Variants in BAIAP2L1 observed in about 807,000 individuals in gnomAD.
BAIAP2L1 encodes BAR/IMD domain-containing adapter protein 2-like 1.
Under a neutral mutation model 66.3 loss-of-function variants are expected in BAIAP2L1, and 35 were observed. The ratio of observed to expected loss-of-function variants is 0.53; its 90% CI spans 0.40 to 0.70. BAIAP2L1 has a LOEUF of 0.70. Among genes scored for constraint, BAIAP2L1 ranks in the 30% least tolerant of loss-of-function variants. The pLI is 0.00. For missense variants in BAIAP2L1, 622 were observed against 656.9 expected (o/e 0.95, Z 0.58); for synonymous variants, 269 against 248.7 (o/e 1.08, Z -0.77).
At chr7:98,307,493 A>G in intron 10 of BAIAP2L1, 196 bp downstream of exon 10, 2 of 1,431,268 alleles carry the variant, frequency 1.4e-6, no homozygotes, top group Non-Finnish European at 9.1e-7. Flanking sequence ...TGCATGCACC[A>G]AATGTATCTC....
chr7:98,354,907 A>C, intron 3 of BAIAP2L1, 135 bp downstream of exon 3: 6 of 667,500 alleles, frequency 9.0e-6, no homozygotes, highest in Non-Finnish European at 1.6e-5. Flanking sequence ...CAATTTCCAC[A>C]GACCGCGGTG....
In BAIAP2L1 at chr7:98,333,642, T is replaced by C. The variant is rs552544271; in HGVS notation, c.215-13344A>G. Reference sequence around the variant, plus strand: ...AATATAAAATAAATGAGCACACTGGTATTTAAATATCAAAGAAAAACTACT... The same window carrying C: ...AATATAAAATAAATGAGCACACTGGCATTTAAATATCAAAGAAAAACTACT... On this transcript the variant is annotated intron_variant, in intron 3 of 13. Transcript: ENST00000005260. 9.0e-4 allele frequency among the ~76,000 whole-genome samples: 137 copies of C among 152,194 alleles called. 1 individual carries two copies. Among genetic ancestry groups the C allele is most frequent in the Middle Eastern group, 3.4e-3 (1 of 294 alleles).
At chr7:98,337,136 G>A (rs1421226500) in intron 3 of BAIAP2L1, among the ~76,000 whole-genome samples, 1 of 152,164 alleles carries the variant, frequency 6.6e-6, no homozygotes, top group African/African-American at 2.4e-5. Context: ...GTCACGGCGA[G>A]GTTACGAGGC....
chr7:98,364,627 G>C (rs1296911473), intron 1 of BAIAP2L1, among the ~76,000 whole-genome samples: 1 of 151,832 alleles, frequency 6.6e-6, no homozygotes, highest in East Asian at 1.9e-4. Flanking sequence ...TCTTTACCTT[G>C]ACGTTTGCTA....
At chr7:98,370,174 A>G (rs1802479368) in intron 1 of BAIAP2L1, among the ~76,000 whole-genome samples, 1 of 152,096 alleles carries the variant, frequency 6.6e-6, no homozygotes, top group African/African-American at 2.4e-5. Flanking sequence ...CAAGAGATCG[A>G]GACCATCCTG....
chr7:98,339,095 CTT>C (rs1801678826), intron 3 of BAIAP2L1, among the ~76,000 whole-genome samples: 1 of 146,452 alleles, frequency 6.8e-6, no homozygotes, highest in Non-Finnish European at 1.5e-5. Context: ...AAAAAAAAGA[CTT>C]TGTGTGGGCA....
At chr7:98,396,819 C>T (rs1209413953) in intron 1 of BAIAP2L1, among the ~76,000 whole-genome samples, 1 of 152,168 alleles carries the variant, frequency 6.6e-6, no homozygotes, top group Non-Finnish European at 1.5e-5. Flanking sequence ...GTTAAGCCAA[C>T]ACAATCCACA....
chr7:98,318,800 C>T (rs984793760), intron 5 of BAIAP2L1, among the ~76,000 whole-genome samples: 15 of 151,356 alleles, frequency 9.9e-5, no homozygotes, highest in East Asian at 4.0e-4. Context: ...AAAAATTAGC[C>T]GGGTGCAGTG....
intron 2 of BAIAP2L1, among the ~76,000 whole-genome samples, chr7:98,356,091 C>T (rs1317495710): frequency 6.6e-6 from 1 of 152,108 alleles, no homozygotes; most frequent in Non-Finnish European, 1.5e-5. Context: ...AATAGTACTG[C>T]CCCCTTCGAA....
intron 1 of BAIAP2L1, among the ~76,000 whole-genome samples, chr7:98,382,857 A>C (rs1438862494): frequency 6.6e-6 from 1 of 152,192 alleles, no homozygotes; most frequent in Admixed American, 6.5e-5. Context: ...AGTAAAAATC[A>C]TTTCTTCAAA....
intron 12 of BAIAP2L1, among the ~76,000 whole-genome samples, chr7:98,297,230 T>C (rs1200426932): frequency 6.6e-6 from 1 of 152,232 alleles, no homozygotes; most frequent in Non-Finnish European, 1.5e-5. Context: ...AATGTGTGTG[T>C]GGACACTGGC....
rs765327861 is a variant in BAIAP2L1 at position 98,315,524 on chromosome 7, C to T, written c.575G>A (p.Arg192His). Reference sequence around the variant, plus strand: ...GTGCTTATCAACCAGAAAGCAGAAGCGCCTCTTCTCTTCAAGCAGAGCCTC... The same window carrying T: ...GTGCTTATCAACCAGAAAGCAGAAGTGCCTCTTCTCTTCAAGCAGAGCCTC... Reference protein sequence around the residue: ...CKEALLEEKRRFCFLVDKHCG... With the variant: ...CKEALLEEKRHFCFLVDKHCG... The change falls in exon 7 of 14, where the codon CGC becomes CAC. Residue 192 changes from arginine (R) to histidine (H), a missense_variant. By Grantham distance (29) the Arg-to-His change is conservative (BLOSUM62 0). Transcript: ENST00000005260. 1.2e-5 allele frequency: 18 copies of T among 1,521,960 alleles called. No individual in the cohort carries two copies. Among genetic ancestry groups the T allele is most frequent in the African/African-American group, 8.4e-5 (6 of 71,460 alleles). The allele number at this position is 1,521,960 out of a possible 1,614,324, so 94.3% of individuals were successfully genotyped here. A position where few individuals can be genotyped will look rare whatever the true frequency, so the allele number is the denominator to read the frequency against.
intron 3 of BAIAP2L1, 113 bp downstream of exon 3, chr7:98,354,929 C>T: frequency 1.3e-6 from 1 of 783,884 alleles, no homozygotes; most frequent in Non-Finnish European, 2.2e-6. Flanking sequence ...AGTAGAACCA[C>T]AGCATGCTGG....
chr7:98,323,553 T>C (rs888999711), intron 3 of BAIAP2L1: 2 of 152,140 alleles, frequency 1.3e-5, no homozygotes, highest in Non-Finnish European at 2.9e-5. Context: ...CTGGGAAGCA[T>C]GGTGCCAAAA....
intron 1 of BAIAP2L1, among the ~76,000 whole-genome samples, chr7:98,371,791 TAG>T (rs1802515283): frequency 6.6e-6 from 1 of 150,578 alleles, no homozygotes; most frequent in East Asian, 2.0e-4. Flanking sequence ...GTTTCTCTTT[TAG>T]TTTCTTTTTT....
chr7:98,294,463 G>T (rs997401580), intron 12 of BAIAP2L1, among the ~76,000 whole-genome samples: 36 of 152,226 alleles, frequency 2.4e-4, no homozygotes, highest in Non-Finnish European at 1.0e-4. Context: ...GTCAGAGCGT[G>T]AACAGAGCAT....
Position 98,292,730 on chromosome 7 carries a change from G to A in BAIAP2L1, c.*791C>T, listed in dbSNP as rs1421409364. 6.4e-6 allele frequency: 10 copies of A among 1,551,544 alleles called. No homozygotes were observed. The highest frequency in any genetic ancestry group is 4.9e-5 in the East Asian group (2 of 40,910). ...AACCAGGACCCCGAGCAGTTTGAGT[G>A]TACTGGTAATGGATGCAGCTTTGGC... On this transcript the variant is annotated 3_prime_UTR_variant, in exon 14 of 14. Transcript: ENST00000005260.
intron 1 of BAIAP2L1, among the ~76,000 whole-genome samples, chr7:98,372,551 A>T (rs2115768860): frequency 6.6e-6 from 1 of 152,242 alleles, no homozygotes; most frequent in South Asian, 2.1e-4. Context: ...GTAAATATGC[A>T]GTTCTGTGGC....
intron 3 of BAIAP2L1, among the ~76,000 whole-genome samples, chr7:98,334,847 A>C (rs1801576994): frequency 1.4e-5 from 2 of 144,978 alleles, no homozygotes; most frequent in African/African-American, 2.5e-5. Context: ...TGCCTGGCCA[A>C]GTTTTTAAAA....
Sources: gnomAD v4.1 joint callset for allele counts (sites outside exome capture counted in the v4.1 genomes callset) on GRCh38, gnomAD v4.1.1 for gene constraint, MANE v1.5 for transcripts, NCBI Gene and HGNC (gene_info 2026-07-23, HGNC 2026-07-21) for gene names.